The following CCDC102B variants were observed in gnomAD, a reference collection of about 807,000 sequenced individuals.
CCDC102B encodes the protein coiled-coil domain-containing protein 102B.
In CCDC102B, 75 loss-of-function variants were observed where a neutral mutation model predicts 57.4. The observed-to-expected ratio is 1.31, with a 90% CI of 1.08 to 1.58. The LOEUF is 1.58. CCDC102B is among the 40% of genes most tolerant of loss of function. CCDC102B has a pLI of 0.00. For synonymous variants in CCDC102B, 206 were observed against 201.9 expected (o/e 1.02, Z -0.17); for missense variants, 636 against 582.6 (o/e 1.09, Z -0.94).
intron 1 of CCDC102B, among the ~76,000 whole-genome samples, chr18:68,800,691 G>T (rs1168209835): frequency 6.6e-6 from 1 of 152,046 alleles, no homozygotes; most frequent in Non-Finnish European, 1.5e-5. Context: ...TTGATACATG[G>T]TATCAACGAA....
intron 2 of CCDC102B, chr18:68,838,383 C>A (rs938898732): frequency 3.1e-6 from 3 of 981,186 alleles, no homozygotes; most frequent in Admixed American, 1.2e-4. Flanking sequence ...AAGAGGAATT[C>A]ATCAACTCAT....
chr18:69,004,003 AG>A (rs1289745483), intron 6 of CCDC102B, among the ~76,000 whole-genome samples: 15 of 152,208 alleles, frequency 9.9e-5, no homozygotes, highest in Admixed American at 2.6e-4. Flanking sequence ...CACATATTCA[AG>A]CATTGTTACT....
intron 4 of CCDC102B, among the ~76,000 whole-genome samples, chr18:68,855,674 G>A (rs1048478923): frequency 4.6e-5 from 7 of 152,122 alleles, no homozygotes; most frequent in African/African-American, 1.7e-4. Flanking sequence ...ATTTTATGCT[G>A]TAGATTTGCC....
chr18:68,942,934 C>T (rs1486997564), intron 6 of CCDC102B, among the ~76,000 whole-genome samples: 1 of 130,754 alleles, frequency 7.6e-6, no homozygotes, highest in African/African-American at 2.7e-5. Flanking sequence ...GAGGTCCCTG[C>T]GGCCTTCCGC....
intron 1 of CCDC102B, among the ~76,000 whole-genome samples, chr18:68,836,183 A>T (rs1330081359): frequency 6.6e-6 from 1 of 152,200 alleles, no homozygotes; most frequent in Non-Finnish European, 1.5e-5. Context: ...TGTCAAAATG[A>T]ATTATTTATG....
rs2037493346 is a variant in CCDC102B, at chr18:68,838,691, T to C, written c.607-15T>C. Reference sequence around the variant, plus strand: ...CCAGGAGGTTTAAATATGTTTTGTTTTGTTTTGTCTTCAGGAACAAGGTGT... The same window carrying C: ...CCAGGAGGTTTAAATATGTTTTGTTCTGTTTTGTCTTCAGGAACAAGGTGT... On this transcript the variant is annotated splice_polypyrimidine_tract_variant and intron_variant, in intron 2 of 7. Transcript: ENST00000360242. The C allele has an allele frequency of 6.2e-7, 1 of 1,609,190 alleles. No individual in the cohort carries two copies.
intron 6 of CCDC102B, among the ~76,000 whole-genome samples, chr18:68,904,086 C>T (rs2051297): frequency 0.9 from 137,110 of 152,178 alleles, 61,843 homozygotes; most frequent in Admixed American, 0.92. Context: ...AAATCATTCA[C>T]TTAAGAATAC....
chr18:68,842,384 A>AT (rs2037673371), intron 3 of CCDC102B, among the ~76,000 whole-genome samples: 1 of 152,048 alleles, frequency 6.6e-6, no homozygotes, highest in Non-Finnish European at 1.5e-5. Context: ...AACCTTTACC[A>AT]TTTTTTGACT....
At chr18:69,005,097 C>T (rs1047706553) in intron 6 of CCDC102B, among the ~76,000 whole-genome samples, 36 of 152,064 alleles carry the variant, frequency 2.4e-4, no homozygotes, top group African/African-American at 8.4e-4. Context: ...GCAGGTAGTA[C>T]AAAAATTATA....
chr18:68,992,074 C>T (rs74986100), intron 6 of CCDC102B, among the ~76,000 whole-genome samples: 1 of 148,692 alleles, frequency 6.7e-6, no homozygotes, highest in Non-Finnish European at 1.5e-5. Context: ...GTTATTGTAT[C>T]TTTTTTTTTT....
chr18:69,025,250 A>G lies in CCDC102B; in HGVS notation c.1434+14146A>G, dbSNP rs117224442. ...ATTTATTTTCTTTAATAAACAGAATATAATTAGACAAGATCGTTGGCAGAA... is the reference window on the plus strand; with the variant it reads ...ATTTATTTTCTTTAATAAACAGAATGTAATTAGACAAGATCGTTGGCAGAA... On this transcript the variant is annotated intron_variant, in intron 7 of 7. Transcript: ENST00000360242. 3.8e-3 allele frequency among the ~76,000 whole-genome samples: 578 copies of G among 152,328 alleles called. 8 individuals carry two copies. Among genetic ancestry groups the G allele is most frequent in the South Asian group, 0.027 (128 of 4,830 alleles).
At chr18:68,914,571 G>A (rs915077923) in intron 6 of CCDC102B, among the ~76,000 whole-genome samples, 2 of 152,206 alleles carry the variant, frequency 1.3e-5, no homozygotes, top group African/African-American at 4.8e-5. Flanking sequence ...ATATGTGCTT[G>A]TTTTTGGATT....
intron 6 of CCDC102B, among the ~76,000 whole-genome samples, chr18:69,007,429 T>A (rs2051381646): frequency 6.6e-6 from 1 of 152,226 alleles, no homozygotes; most frequent in African/African-American, 2.4e-5. Context: ...TAAACATTTT[T>A]AAAAAATTAT....
Position 68,897,424 on chromosome 18 carries a change from A to G in CCDC102B, c.1259A>G (p.Asn420Ser). The change falls in exon 6 of 8, where the codon AAC becomes AGC. Residue 420 changes from asparagine (N) to serine (S), a missense_variant. By Grantham distance (46) the Asn-to-Ser change is conservative (BLOSUM62 1). Coordinates refer to ENST00000360242, the MANE Select transcript of CCDC102B (RefSeq NM_024781.3). ...KMSQIDLQEK[N>S]QELLNLQHAY... ...TCACAAATTGATCTGCAAGAAAAAAACCAGGTATGGGTGCTCCTTGGAGCA... is the reference window on the plus strand; with the variant it reads ...TCACAAATTGATCTGCAAGAAAAAAGCCAGGTATGGGTGCTCCTTGGAGCA... 1.2e-6 allele frequency: 2 copies of G among 1,610,594 alleles called. No homozygotes were observed. Among genetic ancestry groups the G allele is most frequent in the Non-Finnish European group, 1.7e-6 (2 of 1,178,380 alleles).
At chr18:68,862,962 A>G (rs914851541) in intron 4 of CCDC102B, among the ~76,000 whole-genome samples, 3 of 151,942 alleles carry the variant, frequency 2.0e-5, no homozygotes, top group African/African-American at 4.8e-5. Context: ...TGGAAGTATT[A>G]CAGCATGTAT....
rs17079643 is a variant in CCDC102B, at chr18:68,757,006, A to C, written c.-67+40412A>C. 5.6e-3 allele frequency among the ~76,000 whole-genome samples: 846 copies of C among 152,208 alleles called. 8 individuals carry two copies. Among genetic ancestry groups the C allele is most frequent in the East Asian group, 0.018 (92 of 5,172 alleles). On this transcript the variant is annotated intron_variant, in intron 2 of 3. Coordinates refer to the CCDC102B transcript ENST00000578970. ...ACTGGGTGGTGGTCAAGCCTCTGCT[A>C]CAGTGTTACCTCCTTAAAGTGTCAT...
intron 2 of CCDC102B, among the ~76,000 whole-genome samples, chr18:68,736,841 A>G (rs997021987): frequency 5.2e-4 from 79 of 152,080 alleles, no homozygotes; most frequent in Non-Finnish European, 2.2e-4. Context: ...TCAGTTTGAG[A>G]TTTGGGTGGG....
chr18:69,046,033 T>C (rs1260215577), intron 7 of CCDC102B, among the ~76,000 whole-genome samples: 1 of 152,162 alleles, frequency 6.6e-6, no homozygotes, highest in Admixed American at 6.6e-5. Flanking sequence ...TTGTCTTTGC[T>C]ATTTTGAATT....
intron 6 of CCDC102B, among the ~76,000 whole-genome samples, chr18:68,933,782 G>T (rs570885002): frequency 9.9e-5 from 15 of 151,868 alleles, no homozygotes; most frequent in African/African-American, 3.6e-4. Flanking sequence ...TAGGATGATT[G>T]CCATTAGCTG....
Sources: allele counts gnomAD v4.1 joint callset (sites outside exome capture counted in the v4.1 genomes callset), GRCh38; gene constraint gnomAD v4.1.1; transcripts MANE v1.5; gene names NCBI Gene and HGNC (gene_info 2026-07-23, HGNC 2026-07-21).